The following SCAF11 variants were observed in gnomAD, a reference collection of about 807,000 sequenced individuals.
SCAF11 encodes SR-related CTD associated factor 11.
A neutral mutation model predicts 140.5 loss-of-function variants in SCAF11; 47 were observed. The observed-to-expected ratio is 0.33, with a 90% CI of 0.26 to 0.43. The LOEUF (loss-of-function observed/expected upper bound fraction) is 0.43. Among genes scored for constraint, SCAF11 ranks in the 20% least tolerant of loss-of-function variants. The probability of loss-of-function intolerance (pLI) is 1.00; values close to 1 mark genes in which losing one functional copy is unlikely to be tolerated. For missense variants in SCAF11, 1,645 were observed against 1,705.1 expected, an observed-to-expected ratio of 0.96 and a Z score of 0.62; for synonymous variants, 557 against 579.4, an observed-to-expected ratio of 0.96 and a Z score of 0.55.
chr12:45,987,703 C>A (rs1255993277), intron 1 of SCAF11, among the ~76,000 whole-genome samples: 1 of 152,070 alleles, frequency 6.6e-6, no homozygotes, highest in Non-Finnish European at 1.5e-5. Flanking sequence ...GAAGAAGAGA[C>A]TTAAATCATA....
intron 3 of SCAF11, among the ~76,000 whole-genome samples, chr12:45,959,230 T>G (rs959733364): frequency 2.6e-5 from 4 of 151,718 alleles, no homozygotes; most frequent in African/African-American, 9.7e-5. Context: ...ATGGTTCCAC[T>G]GCACTAGAGC....
chr12:45,927,615 CTG>C lies in SCAF11; in HGVS notation c.2084_2085del (p.Thr695ArgfsTer4). The C allele has an allele frequency of 6.2e-7, 1 of 1,612,976 alleles. No homozygotes were observed. The highest frequency in any genetic ancestry group is 8.5e-7 in the Non-Finnish European group (1 of 1,179,982). Reference sequence around the variant, plus strand: ...TGTTCAATGTGTGTTTTAGGCAACTCTGTAGATCTAGGATGTTCGGTCAGCGA... The same window carrying C: ...TGTTCAATGTGTGTTTTAGGCAACTCTAGATCTAGGATGTTCGGTCAGCGA... ...NESLTEHPRSTELPKTHIEQI... is the reference protein window; with the variant it reads ...NESLTEHPRSXELPKTHIEQI... On this transcript the variant is annotated frameshift_variant, in exon 11 of 15. Coordinates refer to ENST00000369367, the MANE Select transcript of SCAF11 (RefSeq NM_004719.3). LOFTEE classifies it high-confidence loss of function.
upstream of SCAF11, among the ~76,000 whole-genome samples, chr12:45,991,188 T>C (rs961886705): frequency 6.6e-6 from 1 of 152,174 alleles, no homozygotes; most frequent in Non-Finnish European, 1.5e-5. Context: ...TGGTGGGCAT[T>C]TTTTTAGATG....
chr12:45,972,901 T>TCG lies in SCAF11; in HGVS notation c.-21-8714_-21-8713insCG, dbSNP rs1375707384. ...ATATAGATATATATATAGATATATA[T>TCG]ATATATAGATATATATATAGATATA... is the stretch of plus-strand genomic sequence containing the variant. On this transcript the variant is annotated intron_variant, in intron 1 of 14. Transcript: ENST00000369367. Among the ~76,000 whole-genome samples, 131 of 26,504 alleles carry TCG rather than the reference T, an allele frequency of 4.9e-3. 2 individuals carry two copies. The highest frequency in any genetic ancestry group is 0.01 in the Non-Finnish European group (124 of 12,064). The allele number at this position is 26,504 out of a possible 152,430, so 17.4% of individuals were successfully genotyped here.
At chr12:45,981,175 G>A (rs1946341097) in intron 1 of SCAF11, among the ~76,000 whole-genome samples, 1 of 152,126 alleles carries the variant, frequency 6.6e-6, no homozygotes, top group Admixed American at 6.5e-5. Context: ...ACCTTTTCAA[G>A]TGAAATTTCT....
chr12:45,941,378 T>C (rs1592183589), intron 6 of SCAF11, among the ~76,000 whole-genome samples: 1 of 152,186 alleles, frequency 6.6e-6, no homozygotes, highest in Admixed American at 6.5e-5. Flanking sequence ...AAACCAAACA[T>C]ATGCATCACC....
At position 45,973,421 on chromosome 12, in the gene SCAF11, G is replaced by T. The variant is rs1268949689; in HGVS notation, c.-21-9233C>A. 3.3e-5 allele frequency among the ~76,000 whole-genome samples: 5 copies of T among 151,910 alleles called. No homozygotes were observed. The East Asian group carries it at 9.7e-4, about 29-fold the overall frequency. ...GAAAGAAGAAGAAAAAGAAGAAGAAGAAGAAATAATGGGTGGAAACTTCCT... is the reference window on the plus strand; with the variant it reads ...GAAAGAAGAAGAAAAAGAAGAAGAATAAGAAATAATGGGTGGAAACTTCCT... On this transcript the variant is annotated intron_variant, in intron 1 of 14. Transcript: ENST00000369367.
Position 45,972,931 on chromosome 12 carries a change from T to TATATAGATATCG in SCAF11, c.-21-8744_-21-8743insCGATATCTATAT, listed in dbSNP as rs1565689031. ...ATAGATATATATATAGATATATAGA[T>TATATAGATATCG]ATATATAGATATATATATAGATATA... On this transcript the variant is annotated intron_variant, in intron 1 of 14. Transcript: ENST00000369367. 7.4e-4 allele frequency among the ~76,000 whole-genome samples: 56 copies of TATATAGATATCG among 76,186 alleles called. 2 individuals are homozygous for TATATAGATATCG. The highest frequency in any genetic ancestry group is 1.3e-3 in the Admixed American group (11 of 8,600). The allele number at this position is 76,186 out of a possible 152,430, so 50.0% of individuals were successfully genotyped here.
upstream of SCAF11, chr12:45,991,812 G>A: frequency 9.0e-7 from 1 of 1,106,598 alleles, no homozygotes; most frequent in Non-Finnish European, 1.1e-6. Flanking sequence ...TGACCTTCCA[G>A]TCCTCCCACC....
chr12:45,991,987 C>T (rs551355188), upstream of SCAF11: 3 of 1,289,070 alleles, frequency 2.3e-6, no homozygotes, highest in African/African-American at 3.0e-5. Flanking sequence ...GACGCCTGCC[C>T]GGGATGAGTT....
At chr12:45,984,829 G>C (rs572958653) in intron 1 of SCAF11, among the ~76,000 whole-genome samples, 1 of 152,074 alleles carries the variant, frequency 6.6e-6, no homozygotes, top group Non-Finnish European at 1.5e-5. Flanking sequence ...CATGTAGCTG[G>C]GATTACAGGC....
chr12:45,957,867 G>A (rs147432329), intron 3 of SCAF11, among the ~76,000 whole-genome samples: 90 of 151,858 alleles, frequency 5.9e-4, no homozygotes, highest in African/African-American at 2.0e-3. Context: ...ATCACTTCTC[G>A]GCAACTGTGG....
intron 4 of SCAF11, among the ~76,000 whole-genome samples, chr12:45,949,883 A>G (rs1028821824): frequency 6.6e-6 from 1 of 152,190 alleles, no homozygotes; most frequent in African/African-American, 2.4e-5. Context: ...CTACTGAAGT[A>G]TAATAGCTGA....
chr12:45,975,170 T>C (rs1278970842), intron 1 of SCAF11: 2 of 152,222 alleles, frequency 1.3e-5, no homozygotes, highest in Admixed American at 6.5e-5. Context: ...GTTCCATTTA[T>C]AGAGCACAGA....
chr12:45,957,527 C>G (rs1945719706), intron 3 of SCAF11, among the ~76,000 whole-genome samples: 1 of 152,084 alleles, frequency 6.6e-6, no homozygotes. Flanking sequence ...AGGAGAGAAA[C>G]CATGCCTTTG....
chr12:45,977,183 TGAAAA>T (rs1156871475), intron 1 of SCAF11, among the ~76,000 whole-genome samples: 1 of 151,908 alleles, frequency 6.6e-6, no homozygotes, highest in African/African-American at 2.4e-5. Context: ...AAATAGTACA[TGAAAA>T]GAACAAATTT....
intron 4 of SCAF11, among the ~76,000 whole-genome samples, chr12:45,949,517 TCTATC>T (rs1453290978): frequency 5.3e-5 from 8 of 152,144 alleles, no homozygotes; most frequent in Admixed American, 2.6e-4. Context: ...ATAGTATACT[TCTATC>T]AGACAGCACT....
intron 1 of SCAF11, among the ~76,000 whole-genome samples, chr12:45,983,545 T>C (rs1291485393): frequency 6.6e-6 from 1 of 152,018 alleles, no homozygotes; most frequent in Non-Finnish European, 1.5e-5. Flanking sequence ...GGCTTAAAAA[T>C]CACCCACTAA....
chr12:45,927,936 G>A lies in SCAF11; in HGVS notation c.1765C>T (p.Leu589=), dbSNP rs777092274. ...VNEEKITESS[L]VEITEHKDFT... ...TCTTTATGTTCAGTAATTTCTACTA[G>A]GGAACTCTCTGTTATTTTTTCTTCA... Residue 589 remains leucine (L), a synonymous_variant, in exon 11 of 15, where the codon CTA becomes TTA. Transcript: ENST00000369367. 1 of 1,613,364 alleles carries A rather than the reference G, an allele frequency of 6.2e-7. No homozygotes were observed. The highest frequency in any genetic ancestry group is 1.1e-5 in the South Asian group (1 of 90,978).
Sources: allele counts gnomAD v4.1 joint callset (sites outside exome capture counted in the v4.1 genomes callset), GRCh38; gene constraint gnomAD v4.1.1; transcripts MANE v1.5; gene names NCBI Gene and HGNC (gene_info 2026-07-23, HGNC 2026-07-21).